SNX29: variants seen among roughly 807,000 people sequenced by gnomAD.
SNX29 encodes the protein sorting nexin-29.
SNX29 carries 78 observed loss-of-function variants against 102.1 expected under a neutral mutation model. The ratio of observed to expected loss-of-function variants is 0.76; its 90% CI spans 0.64 to 0.92. The LOEUF is 0.92. SNX29 is among the 40% of genes least tolerant of loss of function. SNX29 has a pLI of 0.00. For missense variants in SNX29, 1,280 were observed against 1,061.7 expected (o/e 1.21, Z -2.86); for synonymous variants, 580 against 414.5 (o/e 1.40, Z -4.85).
At chr16:12,058,638 C>T (rs1387785138) in intron 8 of SNX29, among the ~76,000 whole-genome samples, 3 of 151,086 alleles carry the variant, frequency 2.0e-5, no homozygotes, top group Non-Finnish European at 4.4e-5. Context: ...GGATTACAAG[C>T]ACCCACCACC....
At chr16:12,013,398 C>T (rs749249935) in intron 3 of SNX29, among the ~76,000 whole-genome samples, 9 of 146,170 alleles carry the variant, frequency 6.2e-5, no homozygotes, top group Non-Finnish European at 1.3e-4. Flanking sequence ...AATCCCAGCA[C>T]TTTGGGAGGC....
chr16:12,383,383 C>A (rs530633009), intron 16 of SNX29, among the ~76,000 whole-genome samples: 2 of 152,172 alleles, frequency 1.3e-5, no homozygotes, highest in South Asian at 4.2e-4. Flanking sequence ...CATTACAGTT[C>A]GGTGACCACC....
At chr16:12,230,567 A>G (rs991616925) in intron 14 of SNX29, among the ~76,000 whole-genome samples, 11 of 152,198 alleles carry the variant, frequency 7.2e-5, no homozygotes, top group Admixed American at 1.3e-4. Flanking sequence ...GGAAATGCCA[A>G]TGTATTTTGA....
chr16:12,568,733 G>C lies in SNX29; in HGVS notation c.*104G>C, dbSNP rs971430299. 1.4e-6 allele frequency: 2 copies of C among 1,480,770 alleles called. No homozygotes were observed. Among genetic ancestry groups the C allele is most frequent in the Non-Finnish European group, 1.8e-6 (2 of 1,110,712 alleles). 91.7% of individuals were successfully genotyped at this position (1,480,770 alleles called of 1,614,324 possible). On this transcript the variant is annotated 3_prime_UTR_variant, in exon 21 of 21. Coordinates refer to ENST00000566228, the MANE Select transcript of SNX29 (RefSeq NM_032167.5). ...CTCAGCGTGACAACCACGTCCACCT[G>C]GTGATCCTGAGAGCACACGATTCCC...
chr16:12,227,190 T>TTC (rs1032366985), intron 14 of SNX29, among the ~76,000 whole-genome samples: 6 of 152,154 alleles, frequency 3.9e-5, no homozygotes, highest in African/African-American at 1.2e-4. Flanking sequence ...AGCTCTTCCT[T>TTC]TCTCCCCATT....
chr16:12,425,563 G>T (rs994549089), intron 18 of SNX29, among the ~76,000 whole-genome samples: 2 of 143,598 alleles, frequency 1.4e-5, no homozygotes, highest in African/African-American at 5.4e-5. Context: ...ATAAAAAGAG[G>T]GAATAGAAAA....
intron 11 of SNX29, among the ~76,000 whole-genome samples, chr16:12,093,182 G>C (rs1325351114): frequency 6.6e-6 from 1 of 152,192 alleles, no homozygotes; most frequent in East Asian, 1.9e-4. Flanking sequence ...TAGAATATTA[G>C]ATATGTAAAT....
chr16:12,508,586 C>A (rs1349047425), intron 19 of SNX29, among the ~76,000 whole-genome samples: 1 of 152,220 alleles, frequency 6.6e-6, no homozygotes, highest in African/African-American at 2.4e-5. Context: ...GCAGACAGAG[C>A]TGGCCCTGCG....
intron 15 of SNX29, among the ~76,000 whole-genome samples, chr16:12,284,925 C>T (rs558948201): frequency 1.8e-3 from 268 of 152,150 alleles, no homozygotes; most frequent in Non-Finnish European, 3.1e-3. Context: ...GGGGTTTCGC[C>T]GTGTTGGCCA....
At chr16:12,139,979 T>TGG (rs144110763) in intron 13 of SNX29, among the ~76,000 whole-genome samples, 3 of 63,058 alleles carry the variant, frequency 4.8e-5, no homozygotes, top group South Asian at 5.5e-4. Flanking sequence ...ATACCCTGTC[T>TGG]CAAAAAAAAA....
chr16:12,215,064 G>A (rs1228484349), intron 14 of SNX29, among the ~76,000 whole-genome samples: 1 of 152,140 alleles, frequency 6.6e-6, no homozygotes, highest in African/African-American at 2.4e-5. Context: ...GCATGAATGA[G>A]TTTGCTGAGC....
chr16:12,245,206 C>G (rs2078225290), intron 14 of SNX29, among the ~76,000 whole-genome samples: 1 of 152,108 alleles, frequency 6.6e-6, no homozygotes. Context: ...CAGCGGAATC[C>G]TGGCATTGCT....
At chr16:12,469,020 C>T (rs961373724) in intron 18 of SNX29, among the ~76,000 whole-genome samples, 1 of 152,212 alleles carries the variant, frequency 6.6e-6, no homozygotes, top group Non-Finnish European at 1.5e-5. Context: ...CTCCGAGACA[C>T]AGGGGCTGCT....
At chr16:12,488,147 A>AG (rs2088343708) in intron 19 of SNX29, among the ~76,000 whole-genome samples, 1 of 152,334 alleles carries the variant, frequency 6.6e-6, no homozygotes, top group South Asian at 2.1e-4. Flanking sequence ...AAGAAAAAAA[A>AG]TTAAGGTCAT....
In SNX29 at chr16:12,536,655, C is replaced by G. The variant is rs560025962; in HGVS notation, c.2318+11814C>G. 1.6e-4 allele frequency among the ~76,000 whole-genome samples: 24 copies of G among 152,214 alleles called. 2 individuals carry two copies. The South Asian group carries it at 4.8e-3, about 30-fold the overall frequency. ...GTGTATACAGCTAATTTCTGGGTTC[C>G]TTAGATCCAGGGAAGAGCTGGTATT... is the stretch of plus-strand genomic sequence containing the variant. On this transcript the variant is annotated intron_variant, in intron 20 of 20. Transcript: ENST00000566228.
intron 14 of SNX29, among the ~76,000 whole-genome samples, chr16:12,260,445 C>T (rs1284511098): frequency 6.6e-6 from 1 of 152,224 alleles, no homozygotes; most frequent in African/African-American, 2.4e-5. Context: ...GGGCTTCCTT[C>T]CCATGCGGCT....
intron 2 of SNX29, among the ~76,000 whole-genome samples, 171 bp downstream of exon 2, chr16:11,999,529 A>G (rs2056210430): frequency 6.6e-6 from 1 of 152,192 alleles, no homozygotes; most frequent in African/African-American, 2.4e-5. Flanking sequence ...AACACGGTCA[A>G]GGTTGGGTTG....
chr16:12,561,709 CTGTGT>C (rs764817106), intron 20 of SNX29, among the ~76,000 whole-genome samples: 4 of 152,170 alleles, frequency 2.6e-5, no homozygotes, highest in Middle Eastern at 3.2e-3. Context: ...CTCCCCAGTG[CTGTGT>C]TAAGTTGCTA....
chr16:12,355,855 A>T (rs1162759471), intron 15 of SNX29, among the ~76,000 whole-genome samples: 3,853 of 122,814 alleles, frequency 0.031, 287 homozygotes, highest in African/African-American at 0.12. Context: ...AAAAAAAAAA[A>T]AAAAAAAAAA....
Sources: gnomAD v4.1 joint callset for allele counts (sites outside exome capture counted in the v4.1 genomes callset) on GRCh38, gnomAD v4.1.1 for gene constraint, MANE v1.5 for transcripts, NCBI Gene and HGNC (gene_info 2026-07-23, HGNC 2026-07-21) for gene names.